The following HCRTR2 variants were observed in gnomAD, a reference collection of about 807,000 sequenced individuals.
HCRTR2 encodes the protein orexin receptor type 2.
In HCRTR2, 22 loss-of-function variants were observed where a neutral mutation model predicts 49.0. The ratio of observed to expected loss-of-function variants is 0.45; its 90% CI spans 0.32 to 0.64. The LOEUF is 0.64. Among genes scored for constraint, HCRTR2 ranks in the 30% least tolerant of loss-of-function variants. The pLI is 0.04. For synonymous variants in HCRTR2, 236 were observed against 205.3 expected, an observed-to-expected ratio of 1.15 and a Z score of -1.28; for missense variants, 491 against 559.4, an observed-to-expected ratio of 0.88 and a Z score of 1.23.
At chr6:55,256,012 C>A (rs1048346487) in intron 3 of HCRTR2, among the ~76,000 whole-genome samples, 3 of 152,110 alleles carry the variant, frequency 2.0e-5, no homozygotes, top group African/African-American at 7.2e-5. Context: ...GAAATTTAAG[C>A]AATCAGGTTT....
At chr6:55,212,876 T>G (rs1202051606) in intron 1 of HCRTR2, among the ~76,000 whole-genome samples, 1 of 152,176 alleles carries the variant, frequency 6.6e-6, no homozygotes, top group African/African-American at 2.4e-5. Context: ...TAATTTAAAA[T>G]TCCAACTATG....
intron 1 of HCRTR2, among the ~76,000 whole-genome samples, chr6:55,208,030 A>G (rs527714303): frequency 6.6e-6 from 1 of 152,264 alleles, no homozygotes; most frequent in Non-Finnish European, 1.5e-5. Flanking sequence ...TGGCATCATC[A>G]TGTGATATGA....
At chr6:55,145,029 CCGT>C (rs1243226645) in intron 1 of HCRTR2, among the ~76,000 whole-genome samples, 1 of 152,100 alleles carries the variant, frequency 6.6e-6, no homozygotes, top group Non-Finnish European at 1.5e-5. Flanking sequence ...GAAAAGCTAC[CCGT>C]CTACTTTGTT....
At chr6:55,161,822 G>C (rs2127262691) in intron 1 of HCRTR2, among the ~76,000 whole-genome samples, 1 of 152,164 alleles carries the variant, frequency 6.6e-6, no homozygotes, top group South Asian at 2.1e-4. Flanking sequence ...AACAAGTCCT[G>C]AAATTGAGGC....
chr6:55,217,460 G>A (rs532106744), intron 1 of HCRTR2, among the ~76,000 whole-genome samples: 39 of 152,088 alleles, frequency 2.6e-4, no homozygotes, highest in Non-Finnish European at 4.6e-4. Flanking sequence ...ACAGCATCAT[G>A]AATGCTTTGC....
chr6:55,207,074 A>G (rs1053289556), intron 1 of HCRTR2, among the ~76,000 whole-genome samples: 13 of 151,878 alleles, frequency 8.6e-5, no homozygotes, highest in African/African-American at 2.9e-4. Flanking sequence ...TATCTTATAA[A>G]TCTAAGAATC....
intron 3 of HCRTR2, among the ~76,000 whole-genome samples, chr6:55,262,756 T>TTATGTACATATATA (rs1766791017): frequency 1.3e-5 from 1 of 78,686 alleles, no homozygotes; most frequent in Non-Finnish European, 2.4e-5. Context: ...ATATATGTAT[T>TTATGTACATATATA]AGGTAGGGAA....
At chr6:55,280,237 A>T in intron 5 of HCRTR2, 86 bp from the exon 6 acceptor site, 1 of 880,684 alleles carries the variant, frequency 1.1e-6, no homozygotes, top group Non-Finnish European at 1.9e-6. Context: ...AGAGGACAGG[A>T]GTCAGACCAT....
At chr6:55,117,282 G>A (rs1000648002) in intron 1 of HCRTR2, among the ~76,000 whole-genome samples, 2 of 151,776 alleles carry the variant, frequency 1.3e-5, no homozygotes, top group Admixed American at 6.6e-5. Flanking sequence ...TAAATTAAGT[G>A]AGAAAGTATC....
At chr6:55,246,426 G>A (rs913022750) in intron 1 of HCRTR2, among the ~76,000 whole-genome samples, 2 of 151,880 alleles carry the variant, frequency 1.3e-5, no homozygotes, top group Non-Finnish European at 2.9e-5. Flanking sequence ...GGCTCCAGCA[G>A]GTTTTAAATT....
chr6:55,124,528 C>T lies in HCRTR2; in HGVS notation c.-378+17983C>T, dbSNP rs537987325. ...CATTTGCTGAGGAGTGTTTTACTTC[C>T]GATTATGTGGTCAATTTTAGAATAA... On this transcript the variant is annotated intron_variant, in intron 1 of 7. Transcript: ENST00000615358. Among the ~76,000 whole-genome samples, 67 of 152,176 alleles carry T rather than the reference C, an allele frequency of 4.4e-4. 1 individual carries two copies. Among genetic ancestry groups the T allele is most frequent in the Non-Finnish European group, 5.4e-4 (37 of 68,014 alleles).
At chr6:55,115,803 T>C (rs1764108100) in intron 1 of HCRTR2, among the ~76,000 whole-genome samples, 1 of 151,034 alleles carries the variant, frequency 6.6e-6, no homozygotes, top group East Asian at 1.9e-4. Context: ...ACATAAATAA[T>C]ACAGAGATAT....
At chr6:55,112,532 C>T (rs1764062631) in intron 1 of HCRTR2, among the ~76,000 whole-genome samples, 1 of 148,532 alleles carries the variant, frequency 6.7e-6, no homozygotes, top group Non-Finnish European at 1.5e-5. Context: ...GAATTCAACC[C>T]CTTTTACAAT....
intron 2 of HCRTR2, among the ~76,000 whole-genome samples, chr6:55,253,063 T>G (rs977511786): frequency 6.6e-6 from 1 of 152,006 alleles, no homozygotes; most frequent in Non-Finnish European, 1.5e-5. Flanking sequence ...TCACTCCATA[T>G]GTCAGATGGG....
intron 1 of HCRTR2, among the ~76,000 whole-genome samples, chr6:55,163,520 T>C (rs1467341039): frequency 2.0e-5 from 3 of 152,124 alleles, no homozygotes; most frequent in African/African-American, 7.2e-5. Flanking sequence ...AAACAAGCAA[T>C]GGGGAAAGGA....
intron 1 of HCRTR2, among the ~76,000 whole-genome samples, chr6:55,128,649 G>A (rs1476396628): frequency 6.6e-6 from 1 of 152,076 alleles, no homozygotes; most frequent in African/African-American, 2.4e-5. Context: ...ATAGTTAGCA[G>A]TATTCCTAAA....
intron 1 of HCRTR2, among the ~76,000 whole-genome samples, chr6:55,168,729 GTAAT>G: frequency 6.9e-6 from 1 of 145,876 alleles, no homozygotes; most frequent in African/African-American, 2.5e-5. Flanking sequence ...CCATGCCTGG[GTAAT>G]TTTTTTTTTA....
At chr6:55,156,336 T>C (rs544029594) in intron 1 of HCRTR2, among the ~76,000 whole-genome samples, 16 of 152,118 alleles carry the variant, frequency 1.1e-4, no homozygotes, top group African/African-American at 3.6e-4. Context: ...AATACTGAAA[T>C]TTAAAACTTA....
chr6:55,111,935 A>G (rs1764053601), intron 1 of HCRTR2, among the ~76,000 whole-genome samples: 1 of 151,988 alleles, frequency 6.6e-6, no homozygotes, highest in East Asian at 1.9e-4. Context: ...TATCAAAAAG[A>G]TAATCCATTA....
Sources: allele counts gnomAD v4.1 joint callset (sites outside exome capture counted in the v4.1 genomes callset), GRCh38; gene constraint gnomAD v4.1.1; transcripts MANE v1.5; gene names NCBI Gene and HGNC (gene_info 2026-07-23, HGNC 2026-07-21).